The following PCSK5 variants were observed in gnomAD, a reference collection of about 807,000 sequenced individuals.
PCSK5 encodes proprotein convertase subtilisin/kexin type 5, also known as prohormone convertase 5.
PCSK5 carries 129 observed loss-of-function variants against 233.2 expected under a neutral mutation model. The observed-to-expected ratio is 0.55, with a 90% CI of 0.48 to 0.64. The LOEUF is 0.64. Ranked by LOEUF, PCSK5 falls within the 30% of genes least tolerant of loss-of-function variation. The pLI is 0.00. For missense variants in PCSK5, 2,076 were observed against 2,430.1 expected, an observed-to-expected ratio of 0.85 and a Z score of 3.06; for synonymous variants, 825 against 879.2, an observed-to-expected ratio of 0.94 and a Z score of 1.09.
chr9:76,221,160 G>T (rs1825717391), intron 20 of PCSK5, among the ~76,000 whole-genome samples: 2 of 152,130 alleles, frequency 1.3e-5, no homozygotes, highest in Non-Finnish European at 2.9e-5. Flanking sequence ...AAGAATGATG[G>T]CCATTTTAAC....
intron 5 of PCSK5, among the ~76,000 whole-genome samples, chr9:76,040,414 A>C (rs1284205250): frequency 1.3e-5 from 1 of 74,414 alleles, no homozygotes; most frequent in Non-Finnish European, 2.7e-5. Flanking sequence ...TCTCTCTCTC[A>C]ACAGGTCTTT....
intron 20 of PCSK5, among the ~76,000 whole-genome samples, chr9:76,220,474 CTGAAAA>C (rs2131299966): frequency 7.0e-6 from 1 of 143,708 alleles, no homozygotes; most frequent in East Asian, 2.0e-4. Flanking sequence ...TTGCAGTGAG[CTGAAAA>C]TGCGCCACAG....
At chr9:76,007,582 T>C (rs1161000593) in intron 3 of PCSK5, among the ~76,000 whole-genome samples, 1 of 152,102 alleles carries the variant, frequency 6.6e-6, no homozygotes, top group Non-Finnish European at 1.5e-5. Flanking sequence ...GTAGATGGCC[T>C]TCTGATTTAG....
chr9:75,953,646 CTGTGTG>C lies in PCSK5; in HGVS notation c.297+21179_297+21184del, dbSNP rs34234415. Among the ~76,000 whole-genome samples the C allele has an allele frequency of 6.7e-5, 10 of 149,792 alleles. No homozygotes were observed. In the East Asian group the frequency reaches 1.6e-3, roughly 24 times the overall value. The stretch of plus-strand genomic sequence containing the variant: ...TATTGGCGTGCATATGTGTGTGTGT[CTGTGTG>C]TGTGTGTGTGTGTGTTTACATGTGC... On this transcript the variant is annotated intron_variant, in intron 2 of 37. Coordinates refer to ENST00000674117, the MANE Select transcript of PCSK5 (RefSeq NM_001372043.1).
rs148853569 is a variant in PCSK5 at position 76,052,922 on chromosome 9, A to G, written c.633-15033A>G. ...CCAAACTGAAGGGGCTGTGGGTCCC[A>G]TGTAAGTCTCAAATCCAGCAGGACA... On this transcript the variant is annotated intron_variant, in intron 5 of 37. Coordinates refer to ENST00000674117, the MANE Select transcript of PCSK5 (RefSeq NM_001372043.1). Among the ~76,000 whole-genome samples, 170 of 152,328 alleles carry G rather than the reference A, an allele frequency of 1.1e-3. 1 individual carries two copies. Among genetic ancestry groups the G allele is most frequent in the East Asian group, 8.7e-3 (45 of 5,170 alleles).
intron 28 of PCSK5, among the ~76,000 whole-genome samples, chr9:76,303,442 T>A (rs958060804): frequency 6.6e-6 from 1 of 152,148 alleles, no homozygotes; most frequent in Admixed American, 6.5e-5. Flanking sequence ...GATATAGACA[T>A]TAAAACTTAT....
intron 24 of PCSK5, among the ~76,000 whole-genome samples, chr9:76,254,793 G>A (rs995058097): frequency 6.6e-6 from 1 of 152,190 alleles, no homozygotes; most frequent in Non-Finnish European, 1.5e-5. Context: ...ATCTACATCA[G>A]GCTAGACATG....
At chr9:75,944,886 G>A (rs1158727390) in intron 2 of PCSK5, among the ~76,000 whole-genome samples, 11 of 152,098 alleles carry the variant, frequency 7.2e-5, no homozygotes, top group Admixed American at 5.2e-4. Flanking sequence ...TAGGCAGGCG[G>A]ATCACCTGAG....
Position 75,891,226 on chromosome 9 carries a change from G to A in PCSK5, c.45G>A (p.Leu15=). The A allele has an allele frequency of 4.6e-6, 7 of 1,516,830 alleles. No individual in the cohort carries two copies. Among genetic ancestry groups the A allele is most frequent in the Admixed American group, 2.6e-5 (1 of 38,588 alleles). The allele number at this position is 1,516,830 out of a possible 1,614,324, so 94.0% of individuals were successfully genotyped here. Residue 15 remains leucine, a synonymous_variant, in exon 1 of 38, where the codon CTG becomes CTA. Coordinates refer to ENST00000674117, the MANE Select transcript of PCSK5 (RefSeq NM_001372043.1). ...SRCCCPGRLD[L]LCVLALLGGC... is the part of the protein sequence containing the mutation. Reference sequence around the variant, plus strand: ...GCTGCTGCCCGGGACGTTTGGACCTGCTGTGCGTGCTGGCGCTGCTCGGGG... The same window carrying A: ...GCTGCTGCCCGGGACGTTTGGACCTACTGTGCGTGCTGGCGCTGCTCGGGG...
chr9:75,889,835 C>A (rs984394569), upstream of PCSK5, among the ~76,000 whole-genome samples: 1 of 152,196 alleles, frequency 6.6e-6, no homozygotes, highest in Admixed American at 6.5e-5. Flanking sequence ...GAAGGTGACG[C>A]CGCCACATAT....
At chr9:76,340,186 C>T (rs994940992) in intron 35 of PCSK5, among the ~76,000 whole-genome samples, 2 of 152,120 alleles carry the variant, frequency 1.3e-5, no homozygotes, top group Non-Finnish European at 2.9e-5. Flanking sequence ...TAATTGTGAG[C>T]CCCTCAAGCA....
intron 1 of PCSK5, among the ~76,000 whole-genome samples, chr9:75,909,631 G>C (rs1352457249): frequency 6.6e-6 from 1 of 152,138 alleles, no homozygotes; most frequent in Non-Finnish European, 1.5e-5. Context: ...GGAGGCAGAG[G>C]TTGCGGTGAG....
chr9:76,175,353 A>G, intron 14 of PCSK5: 1 of 526,420 alleles, frequency 1.9e-6, no homozygotes, highest in East Asian at 3.0e-5. Flanking sequence ...TCTACTACCC[A>G]TATTCTGACA....
intron 20 of PCSK5, among the ~76,000 whole-genome samples, chr9:76,196,135 G>T (rs1824688736): frequency 6.6e-6 from 1 of 152,136 alleles, no homozygotes; most frequent in African/African-American, 2.4e-5. Flanking sequence ...AGAAAGCAAG[G>T]CTGTGAAAAA....
At chr9:76,184,618 C>CTTT (rs1824019161) in intron 16 of PCSK5, 55 bp from the exon 17 acceptor site, 1 of 1,165,560 alleles carries the variant, frequency 8.6e-7, no homozygotes, top group African/African-American at 1.5e-5. Context: ...ATCTCTGATG[C>CTTT]TTTTATGGAA....
At chr9:76,122,710 T>C (rs182362001) in intron 9 of PCSK5, among the ~76,000 whole-genome samples, 35 of 152,262 alleles carry the variant, frequency 2.3e-4, no homozygotes, top group Admixed American at 2.2e-3. Flanking sequence ...TATTTCAATA[T>C]TATTAAATTT....
intron 1 of PCSK5, among the ~76,000 whole-genome samples, chr9:75,908,976 TATCTATCTATCTATCCG>T (rs1822583904): frequency 6.7e-6 from 1 of 150,306 alleles, no homozygotes; most frequent in African/African-American, 2.5e-5. Flanking sequence ...TCTATCTATC[TATCTATCTATCTATCCG>T]ATTTTCTCTC....
chr9:76,057,485 C>A (rs1829862280), intron 5 of PCSK5, among the ~76,000 whole-genome samples: 1 of 152,006 alleles, frequency 6.6e-6, no homozygotes, highest in South Asian at 2.1e-4. Flanking sequence ...TTACAGTATG[C>A]TGAAATGTAT....
chr9:76,134,034 A>T, intron 9 of PCSK5, 75 bp from the exon 10 acceptor site: 1 of 1,022,792 alleles, frequency 9.8e-7, no homozygotes, highest in Non-Finnish European at 1.5e-6. Context: ...TTGCTTTTTT[A>T]ATTTGCTTGT....
Sources: gnomAD v4.1 joint callset for allele counts (sites outside exome capture counted in the v4.1 genomes callset) on GRCh38, gnomAD v4.1.1 for gene constraint, MANE v1.5 for transcripts, NCBI Gene and HGNC (gene_info 2026-07-23, HGNC 2026-07-21) for gene names.